ZBTB8A: variants seen among roughly 807,000 people sequenced by gnomAD.
The protein encoded by ZBTB8A is zinc finger and BTB domain-containing protein 8A.
In ZBTB8A, 19 loss-of-function variants were observed where a neutral mutation model predicts 37.8. The observed-to-expected ratio is 0.50, with a 90% CI of 0.35 to 0.74. The LOEUF (loss-of-function observed/expected upper bound fraction) is 0.74. ZBTB8A is among the 30% of genes least tolerant of loss of function. The pLI is 0.01. For missense variants in ZBTB8A, 394 were observed against 537.8 expected, an observed-to-expected ratio of 0.73 and a Z score of 2.65; for synonymous variants, 181 against 185.2, an observed-to-expected ratio of 0.98 and a Z score of 0.19.
chr1:32,593,349 G>T lies in ZBTB8A; in HGVS notation c.418G>T (p.Ala140Ser). The change falls in exon 3 of 5, where the codon GCC (alanine) becomes TCC (serine). Residue 140 changes from alanine (A) to serine (S), a missense_variant. By Grantham distance (99) the Ala-to-Ser change is moderately conservative. Transcript: ENST00000373510. ...DRYFSLSDKD[A>S]NSNGVERSSF... ...CTATTTCAGTCTCTCAGATAAAGAT[G>T]CCAATTCTAATGGTGTAGAACGTTC... 6.2e-7 allele frequency: 1 copy of T among 1,614,164 alleles called. No individual in the cohort carries two copies. Among genetic ancestry groups the T allele is most frequent in the Non-Finnish European group, 8.5e-7 (1 of 1,180,036 alleles).
At chr1:32,595,675 G>A (rs1644525203) in intron 4 of ZBTB8A, among the ~76,000 whole-genome samples, 1 of 148,098 alleles carries the variant, frequency 6.8e-6, no homozygotes, top group South Asian at 2.1e-4. Context: ...TTTGAGACAG[G>A]GTCTCTCTCT....
intron 1 of ZBTB8A, among the ~76,000 whole-genome samples, chr1:32,545,828 T>TG (rs1290960938): frequency 6.6e-6 from 1 of 152,222 alleles, no homozygotes; most frequent in Non-Finnish European, 1.5e-5. Flanking sequence ...ACCTAAACGT[T>TG]GAGCCTTTTG....
At chr1:32,563,148 A>C (rs1187006774) in intron 2 of ZBTB8A, among the ~76,000 whole-genome samples, 1 of 152,110 alleles carries the variant, frequency 6.6e-6, no homozygotes, top group South Asian at 2.1e-4. Context: ...AGGGATTATT[A>C]GTTGTTTGCA....
intron 2 of ZBTB8A, among the ~76,000 whole-genome samples, chr1:32,559,458 T>C (rs1465911994): frequency 6.6e-6 from 1 of 150,624 alleles, no homozygotes; most frequent in African/African-American, 2.4e-5. Context: ...GGTGACAGTA[T>C]TTTTTTGTTT....
At chr1:32,591,039 G>C (rs1644484127) in intron 2 of ZBTB8A, among the ~76,000 whole-genome samples, 1 of 149,072 alleles carries the variant, frequency 6.7e-6, no homozygotes, top group South Asian at 2.1e-4. Flanking sequence ...GATTACATGT[G>C]TGTGCCATGA....
intron 2 of ZBTB8A, among the ~76,000 whole-genome samples, chr1:32,554,019 G>A (rs1320486184): frequency 1.3e-5 from 2 of 151,920 alleles, no homozygotes; most frequent in Non-Finnish European, 2.9e-5. Flanking sequence ...GGCCAACATG[G>A]CAAAACCCCA....
At position 32,562,388 on chromosome 1, in the gene ZBTB8A, C is replaced by T. The variant is rs571610956; in HGVS notation, c.-2+8848C>T. On this transcript the variant is annotated intron_variant, in intron 2 of 4. Transcript: ENST00000373510. Reference sequence around the variant, plus strand: ...CTGGGTTCAAGCAATTCTCCTGCCTCAGCCTCCCGAGTAGCTGGGATTACA... The same window carrying T: ...CTGGGTTCAAGCAATTCTCCTGCCTTAGCCTCCCGAGTAGCTGGGATTACA... Among the ~76,000 whole-genome samples the T allele has an allele frequency of 2.6e-5, 4 of 151,808 alleles. No homozygotes were observed. The East Asian group carries it at 7.8e-4, about 29-fold the overall frequency.
chr1:32,569,194 G>T (rs1373653886), intron 2 of ZBTB8A, among the ~76,000 whole-genome samples: 1 of 151,836 alleles, frequency 6.6e-6, no homozygotes, highest in African/African-American at 2.4e-5. Context: ...GTTTTAATTG[G>T]CATTTCCCTG....
intron 2 of ZBTB8A, among the ~76,000 whole-genome samples, chr1:32,558,348 T>C (rs936966531): frequency 1.3e-5 from 2 of 151,998 alleles, no homozygotes; most frequent in Non-Finnish European, 2.9e-5. Flanking sequence ...CCTCCCTCCT[T>C]CTTATCTACA....
intron 2 of ZBTB8A, among the ~76,000 whole-genome samples, chr1:32,555,402 A>G (rs1172407412): frequency 2.0e-5 from 3 of 151,982 alleles, no homozygotes; most frequent in Non-Finnish European, 4.4e-5. Context: ...AATAATAATA[A>G]TAATACCATC....
intron 2 of ZBTB8A, 89 bp from the exon 3 acceptor site, chr1:32,592,842 C>G: frequency 9.0e-7 from 1 of 1,114,566 alleles, no homozygotes; most frequent in Non-Finnish European, 1.3e-6. Flanking sequence ...GCACTGCAGC[C>G]TGGGCCACAG....
rs916998694 is a variant in ZBTB8A at position 32,601,524 on chromosome 1, T to C, written c.*1105T>C. 2 of 398,016 alleles carry C rather than the reference T, an allele frequency of 5.0e-6. No individual in the cohort carries two copies. The highest frequency in any genetic ancestry group is 4.4e-5 in the Admixed American group (1 of 22,678). 24.7% of individuals were successfully genotyped at this position (398,016 alleles called of 1,614,324 possible). A position where few individuals can be genotyped will look rare whatever the true frequency, so the allele number is the denominator to read the frequency against. Reference sequence around the variant, plus strand: ...GAGGTTCTTACCATATGTGAGTGATTTCTAACGTTTATGTAGTGCTATATT... The same window carrying C: ...GAGGTTCTTACCATATGTGAGTGATCTCTAACGTTTATGTAGTGCTATATT... On this transcript the variant is annotated 3_prime_UTR_variant, in exon 5 of 5. Coordinates refer to ENST00000373510, the MANE Select transcript of ZBTB8A (RefSeq NM_001040441.3).
At chr1:32,539,765 A>AGGCGCGGGCGGC in intron 1 of ZBTB8A, among the ~76,000 whole-genome samples, 193 bp downstream of exon 1, 1 of 1,010 alleles carries the variant, frequency 9.9e-4, no homozygotes, top group African/African-American at 4.5e-3. Context: ...CTGCGGGACA[A>AGGCGCGGGCGGC]TGGCCGCGCC....
chr1:32,543,793 C>T (rs1644078593), intron 1 of ZBTB8A, among the ~76,000 whole-genome samples: 1 of 152,162 alleles, frequency 6.6e-6, no homozygotes, highest in African/African-American at 2.4e-5. Context: ...TCTCCTGCCT[C>T]AGCCTCCCGA....
At chr1:32,574,171 A>C (rs1200864503) in intron 2 of ZBTB8A, among the ~76,000 whole-genome samples, 4 of 152,112 alleles carry the variant, frequency 2.6e-5, no homozygotes, top group African/African-American at 9.7e-5. Context: ...ATTTGTGTAG[A>C]GTATTCTATA....
At chr1:32,591,832 T>A (rs902279381) in intron 2 of ZBTB8A, among the ~76,000 whole-genome samples, 1 of 152,066 alleles carries the variant, frequency 6.6e-6, no homozygotes, top group Non-Finnish European at 1.5e-5. Context: ...AGTTGTTTTT[T>A]TGTTTTTTGT....
chr1:32,543,838 G>C (rs554304155), intron 1 of ZBTB8A, among the ~76,000 whole-genome samples: 2 of 151,656 alleles, frequency 1.3e-5, no homozygotes, highest in African/African-American at 4.8e-5. Flanking sequence ...CACCATGCCC[G>C]GCTAATTTTT....
intron 2 of ZBTB8A, among the ~76,000 whole-genome samples, chr1:32,575,936 GT>G (rs1644356570): frequency 6.6e-6 from 1 of 152,054 alleles, no homozygotes; most frequent in South Asian, 2.1e-4. Flanking sequence ...CTTAATCTCT[GT>G]CTTATTTTTA....
At chr1:32,599,886 A>G (rs1157553582) in intron 4 of ZBTB8A, among the ~76,000 whole-genome samples, 1 of 152,190 alleles carries the variant, frequency 6.6e-6, no homozygotes, top group Non-Finnish European at 1.5e-5. Flanking sequence ...CATGATAGCC[A>G]CTATTTAGAG....
Sources: gnomAD v4.1 joint callset for allele counts (sites outside exome capture counted in the v4.1 genomes callset) on GRCh38, gnomAD v4.1.1 for gene constraint, MANE v1.5 for transcripts, NCBI Gene and HGNC (gene_info 2026-07-23, HGNC 2026-07-21) for gene names.